Variants in SLC5A7 observed in about 807,000 individuals in gnomAD.
SLC5A7 encodes the protein high affinity choline transporter 1.
In SLC5A7, 19 loss-of-function variants were observed where a neutral mutation model predicts 55.4. The observed-to-expected ratio is 0.34, with a 90% confidence interval of 0.24 to 0.50. SLC5A7 has a LOEUF of 0.50. SLC5A7 is among the 20% of genes least tolerant of loss of function. SLC5A7 has a pLI of 0.98. For missense variants in SLC5A7, 506 were observed against 705.3 expected (o/e 0.72, Z 3.20); for synonymous variants, 265 against 263.7 (o/e 1.00, Z -0.05).
intron 5 of SLC5A7, among the ~76,000 whole-genome samples, chr2:108,000,350 A>C (rs557860867): frequency 6.6e-6 from 1 of 152,312 alleles, no homozygotes; most frequent in South Asian, 2.1e-4. Flanking sequence ...TCCCTTAAGG[A>C]ATGGATATCT....
In SLC5A7 at chr2:108,011,022, G is replaced by T. The variant is rs543945203; in HGVS notation, c.*161G>T. Reference sequence around the variant, plus strand: ...AATTGCACAAATACAAGCCAAGCTAGAAGGAAGCACCTATGAAAGCAACAA... The same window carrying T: ...AATTGCACAAATACAAGCCAAGCTATAAGGAAGCACCTATGAAAGCAACAA... On this transcript the variant is annotated 3_prime_UTR_variant, in exon 9 of 9. Coordinates refer to ENST00000264047, the MANE Select transcript of SLC5A7 (RefSeq NM_021815.5). 1.2e-5 allele frequency: 8 copies of T among 676,932 alleles called. No homozygotes were observed. In the South Asian group the frequency reaches 3.3e-4, roughly 28 times the overall value. The allele number at this position is 676,932 out of a possible 1,614,324, so 41.9% of individuals were successfully genotyped here. A position where few individuals can be genotyped will look rare whatever the true frequency, so the allele number is the denominator to read the frequency against.
chr2:108,010,571 G>T lies in SLC5A7; in HGVS notation c.1453G>T (p.Val485Phe). 6.2e-7 allele frequency: 1 copy of T among 1,613,866 alleles called. No homozygotes were observed. Among genetic ancestry groups the T allele is most frequent in the South Asian group, 1.1e-5 (1 of 91,070 alleles). The change falls in exon 9 of 9, where the codon GTT becomes TTT. Residue 485 changes from valine to phenylalanine, a missense_variant. By Grantham distance (50) the Val-to-Phe change is conservative (BLOSUM62 -1). Coordinates refer to ENST00000264047, the MANE Select transcript of SLC5A7 (RefSeq NM_021815.5). ...QKFPFKTLAM[V>F]TSFLTNICIS... The stretch of plus-strand genomic sequence containing the variant: ...ATTTCCATTTAAAACACTTGCCATG[G>T]TTACATCATTCTTAACCAACATTTG...
intron 2 of SLC5A7, among the ~76,000 whole-genome samples, chr2:107,990,504 C>T (rs2104337265): frequency 6.6e-6 from 1 of 151,614 alleles, no homozygotes; most frequent in African/African-American, 2.4e-5. Context: ...CATGGTTACA[C>T]ACACAGTGAA....
chr2:108,006,099 T>A lies in SLC5A7; in HGVS notation c.792T>A (p.Ser264=), dbSNP rs199981715. 10 of 1,614,198 alleles carry A rather than the reference T, an allele frequency of 6.2e-6. No individual in the cohort carries two copies. The highest frequency in any genetic ancestry group is 8.5e-6 in the Non-Finnish European group (10 of 1,180,020). Residue 264 remains serine (S), a synonymous_variant, in exon 7 of 9, where the codon TCT becomes TCA. Transcript: ENST00000264047. ...CATACTTTCAGAGGGTTCTCTCTTC[T>A]TCCTCAGCCACCTATGCTCAAGTGC... ...WQAYFQRVLS[S]SSATYAQVLS...
intron 2 of SLC5A7, 40 bp downstream of exon 2, chr2:107,988,373 C>T (rs537826657): frequency 6.4e-7 from 1 of 1,573,394 alleles, no homozygotes; most frequent in Admixed American, 1.7e-5. Flanking sequence ...GTCCTCCCTT[C>T]CTTGGCATCT....
intron 7 of SLC5A7, among the ~76,000 whole-genome samples, chr2:108,007,480 C>CTGTGTG (rs55917915): frequency 6.7e-6 from 1 of 149,790 alleles, no homozygotes. Context: ...GTGTGTGTGT[C>CTGTGTG]TGTGTGTGTG....
At chr2:108,004,980 C>T (rs568171937) in intron 6 of SLC5A7, among the ~76,000 whole-genome samples, 76 of 152,236 alleles carry the variant, frequency 5.0e-4, no homozygotes, top group African/African-American at 1.7e-3. Context: ...ATAGTTTAAA[C>T]GTTTTTTATT....
At chr2:107,999,677 T>A (rs928249387) in intron 5 of SLC5A7, among the ~76,000 whole-genome samples, 2 of 152,168 alleles carry the variant, frequency 1.3e-5, no homozygotes, top group African/African-American at 2.4e-5. Context: ...TTAGACCACC[T>A]TCTTTTCTCA....
At chr2:108,001,867 C>T in intron 5 of SLC5A7, 30 bp from the exon 6 acceptor site, 1 of 1,612,692 alleles carries the variant, frequency 6.2e-7, no homozygotes, top group Middle Eastern at 1.7e-4. Flanking sequence ...AAACCATCGC[C>T]TAGGGCTCCA....
chr2:107,989,151 G>A (rs1363135095), intron 2 of SLC5A7, among the ~76,000 whole-genome samples: 1 of 152,124 alleles, frequency 6.6e-6, no homozygotes, highest in Non-Finnish European at 1.5e-5. Flanking sequence ...CATCAACTTA[G>A]AATTATATGT....
intron 3 of SLC5A7, among the ~76,000 whole-genome samples, chr2:107,992,493 C>G (rs1432568978): frequency 6.6e-6 from 1 of 152,074 alleles, no homozygotes; most frequent in Non-Finnish European, 1.5e-5. Context: ...TTATTTCTTT[C>G]AAAACAAGTA....
Position 108,011,760 on chromosome 2 carries a change from G to A in SLC5A7, c.*899G>A, listed in dbSNP as rs910837252. 1.3e-5 allele frequency: 2 copies of A among 152,162 alleles called. No individual in the cohort carries two copies. Among genetic ancestry groups the A allele is most frequent in the South Asian group, 2.1e-4 (1 of 4,826 alleles). The allele number at this position is 152,162 out of a possible 1,614,324, so 9.4% of individuals were successfully genotyped here. ...TGAAATTAGGCCTTATGTAAGGAGA[G>A]GTAGCTACACAGCATCTGTTACGGT... is the stretch of plus-strand genomic sequence containing the variant. On this transcript the variant is annotated 3_prime_UTR_variant, in exon 9 of 9. Coordinates refer to ENST00000264047, the MANE Select transcript of SLC5A7 (RefSeq NM_021815.5).
At position 108,010,495 on chromosome 2, in the gene SLC5A7, G is replaced by A. The variant is rs1678279803; in HGVS notation, c.1377G>A (p.Leu459=). Residue 459 remains leucine (L), a synonymous_variant, in exon 9 of 9, where the codon TTG becomes TTA. Coordinates refer to ENST00000264047, the MANE Select transcript of SLC5A7 (RefSeq NM_021815.5). ...AGCCATATCTGTATCTTCAGCCCTT[G>A]ATCTTCTACCCTGGCTATTACCCTG... The part of the protein sequence containing the change: ...GGEPYLYLQP[L]IFYPGYYPDD... The A allele has an allele frequency of 6.2e-7, 1 of 1,613,768 alleles. No homozygotes were observed. The highest frequency in any genetic ancestry group is 8.5e-7 in the Non-Finnish European group (1 of 1,179,922).
At chr2:108,005,295 A>T (rs1268557010) in intron 6 of SLC5A7, among the ~76,000 whole-genome samples, 6 of 152,176 alleles carry the variant, frequency 3.9e-5, no homozygotes, top group Admixed American at 3.3e-4. Flanking sequence ...TACAGCCATT[A>T]CATTGCCTGG....
At chr2:107,990,825 A>G (rs1397350561) in intron 2 of SLC5A7, among the ~76,000 whole-genome samples, 1 of 152,190 alleles carries the variant, frequency 6.6e-6, no homozygotes, top group Non-Finnish European at 1.5e-5. Context: ...TTTTGTATAG[A>G]TATTATTTCA....
intron 5 of SLC5A7, among the ~76,000 whole-genome samples, chr2:108,001,071 A>G (rs1364458925): frequency 2.0e-5 from 3 of 151,672 alleles, no homozygotes; most frequent in South Asian, 2.1e-4. Context: ...GAGAAATACA[A>G]TTCTTTATTA....
chr2:107,990,512 G>GA (rs1040783517), intron 2 of SLC5A7, among the ~76,000 whole-genome samples: 107 of 144,188 alleles, frequency 7.4e-4, no homozygotes, highest in South Asian at 2.0e-3. Context: ...CACACACAGT[G>GA]AAAAAAAAAA....
Position 108,001,963 on chromosome 2 carries a change from G to A in SLC5A7, c.664G>A (p.Ala222Thr). The A allele has an allele frequency of 6.2e-7, 1 of 1,614,186 alleles. No homozygotes were observed. The highest frequency in any genetic ancestry group is 8.5e-7 in the Non-Finnish European group (1 of 1,180,032). The change falls in exon 6 of 9, where the codon GCC (alanine) becomes ACC (threonine). Residue 222 changes from alanine to threonine, a missense_variant. Physicochemically the swap from Ala to Thr is moderately conservative, Grantham distance 58. Around this residue, in one of 4 missense-constraint regions of SLC5A7, gnomAD observed 309 missense variants for 478.6 expected, o/e 0.65. Transcript: ENST00000264047. ...AGACATCGGGTTCACTGCTGTGCATGCCAAATACCAAAAGCCGTGGCTGGG... is the reference window on the plus strand; with the variant it reads ...AGACATCGGGTTCACTGCTGTGCATACCAAATACCAAAAGCCGTGGCTGGG... ...VADIGFTAVH[A>T]KYQKPWLGTV...
chr2:108,006,294 T>C (rs1344463188), intron 7 of SLC5A7, 92 bp downstream of exon 7: 1 of 1,411,806 alleles, frequency 7.1e-7, no homozygotes, highest in Middle Eastern at 2.5e-4. Context: ...TTCCTCCACA[T>C]AGTGAATTCT....
Sources: gnomAD v4.1 joint callset for allele counts (sites outside exome capture counted in the v4.1 genomes callset) on GRCh38, gnomAD v4.1.1 for gene constraint, gnomAD v4.1.1 regional missense constraint, MANE v1.5 for transcripts, NCBI Gene and HGNC (gene_info 2026-07-23, HGNC 2026-07-21) for gene names.